CEP192: variants seen among roughly 807,000 people sequenced by gnomAD.
CEP192 encodes the protein centrosomal protein of 192 kDa.
A neutral mutation model predicts 271.8 loss-of-function variants in CEP192; 151 were observed. That is an observed-to-expected ratio of 0.56 (90% CI 0.49 to 0.64). CEP192 has a LOEUF of 0.64. Ranked by LOEUF, CEP192 falls within the 30% of genes least tolerant of loss-of-function variation. The probability of loss-of-function intolerance (pLI) is 0.00; values close to 1 mark genes in which losing one functional copy is unlikely to be tolerated. For synonymous variants in CEP192, 995 were observed against 1,076.5 expected (o/e 0.92, Z 1.48); for missense variants, 2,910 against 3,020.5 (o/e 0.96, Z 0.86).
At chr18:13,060,058 T>A (rs1323722785) in intron 21 of CEP192, among the ~76,000 whole-genome samples, 2 of 152,226 alleles carry the variant, frequency 1.3e-5, no homozygotes, top group Non-Finnish European at 2.9e-5. Context: ...CAGGTCTTGA[T>A]ACAGTCCTGA....
intron 15 of CEP192, among the ~76,000 whole-genome samples, chr18:13,045,979 A>G (rs1421314273): frequency 6.6e-6 from 1 of 152,096 alleles, no homozygotes; most frequent in Non-Finnish European, 1.5e-5. Flanking sequence ...TTGCTTTTCA[A>G]CCAGTCTGAC....
intron 3 of CEP192, among the ~76,000 whole-genome samples, chr18:13,005,656 A>T (rs906480877): frequency 1.3e-5 from 2 of 152,080 alleles, no homozygotes; most frequent in African/African-American, 4.8e-5. Context: ...TTGACTCTTG[A>T]ATAGTCTGAA....
intron 1 of CEP192, among the ~76,000 whole-genome samples, chr18:12,996,535 C>T (rs540163846): frequency 6.6e-6 from 1 of 152,188 alleles, no homozygotes; most frequent in South Asian, 2.1e-4. Context: ...GTACATTTTA[C>T]GTGATATTTT....
At chr18:13,030,059 T>C (rs756284733) in intron 10 of CEP192, 57 bp downstream of exon 10, 2 of 1,265,112 alleles carry the variant, frequency 1.6e-6, no homozygotes, top group East Asian at 2.5e-5. Context: ...ACATTTTGAA[T>C]AGGACATATT....
chr18:13,088,287 A>T (rs763946790), intron 32 of CEP192, among the ~76,000 whole-genome samples: 94 of 152,208 alleles, frequency 6.2e-4, no homozygotes, highest in Middle Eastern at 3.4e-3. Flanking sequence ...GTCTCTAGAA[A>T]AGAAATAGAA....
chr18:13,004,536 G>A (rs921041384), intron 3 of CEP192, among the ~76,000 whole-genome samples: 21 of 152,146 alleles, frequency 1.4e-4, no homozygotes, highest in African/African-American at 5.1e-4. Context: ...GGTGCATGTA[G>A]TGGTAAGAAT....
At chr18:13,042,899 A>G (rs2036283322) in intron 15 of CEP192, among the ~76,000 whole-genome samples, 1 of 152,234 alleles carries the variant, frequency 6.6e-6, no homozygotes, top group Admixed American at 6.5e-5. Flanking sequence ...ACAATGCTCC[A>G]TGAACAGCCT....
Position 13,059,120 on chromosome 18 carries a change from T to A in CEP192, c.4296T>A (p.Asn1432Lys), listed in dbSNP as rs753434881. 3.1e-6 allele frequency: 5 copies of A among 1,614,068 alleles called. No individual in the cohort carries two copies. The South Asian group carries it at 5.5e-5, about 18-fold the overall frequency. Residue 1432 changes from asparagine to lysine, a missense_variant, in exon 21 of 45, where the codon AAT becomes AAA. Transcript: ENST00000506447. ...LSTYRCLVFK[N>K]KAIIRPHATE... ...CATATCGTTGTTTAGTTTTCAAGAATAAAGCCATCATAAGACCTCATGCCA... is the reference window on the plus strand; with the variant it reads ...CATATCGTTGTTTAGTTTTCAAGAAAAAAGCCATCATAAGACCTCATGCCA...
rs954076913 is a variant in CEP192 at position 12,999,692 on chromosome 18, A to G, written c.164+104A>G. ...CAAGCTTGAGCTTTTTGTTTTATCTATGAGGGGGATGGCCAAATATGTGAA... is the reference window on the plus strand; with the variant it reads ...CAAGCTTGAGCTTTTTGTTTTATCTGTGAGGGGGATGGCCAAATATGTGAA... On this transcript the variant is annotated intron_variant, in intron 2 of 44. Coordinates refer to ENST00000506447, the MANE Select transcript of CEP192 (RefSeq NM_032142.4). 5.1e-5 allele frequency: 38 copies of G among 741,054 alleles called. No homozygotes were observed. In the Admixed American group the frequency reaches 1.1e-3, roughly 22 times the overall value. The allele number at this position is 741,054 out of a possible 1,614,324, so 45.9% of individuals were successfully genotyped here. A position where few individuals can be genotyped will look rare whatever the true frequency, so the allele number is the denominator to read the frequency against.
Position 13,087,440 on chromosome 18 carries a change from C to T in CEP192, c.5878-91C>T, listed in dbSNP as rs949176472. 19 of 914,168 alleles carry T rather than the reference C, an allele frequency of 2.1e-5. 1 individual carries two copies. The highest frequency in any genetic ancestry group is 1.2e-4 in the South Asian group (6 of 51,330). 56.6% of individuals were successfully genotyped at this position (914,168 alleles called of 1,614,324 possible). ...CATGCGTATGCACTTGTGTCTGTGT[C>T]GAATTTTTAGGCTCGTAAGATTGTT... On this transcript the variant is annotated intron_variant, in intron 31 of 44. Coordinates refer to ENST00000506447, the MANE Select transcript of CEP192 (RefSeq NM_032142.4).
At chr18:13,037,711 A>G (rs1305834353) in intron 12 of CEP192, among the ~76,000 whole-genome samples, 9 of 152,088 alleles carry the variant, frequency 5.9e-5, no homozygotes, top group Admixed American at 5.9e-4. Flanking sequence ...ATGTGCTACC[A>G]TGCCTAGCTA....
intron 1 of CEP192, among the ~76,000 whole-genome samples, chr18:12,998,943 G>T (rs1321127784): frequency 1.3e-5 from 2 of 151,972 alleles, no homozygotes; most frequent in African/African-American, 4.8e-5. Context: ...CTTTGAATGG[G>T]TTCACTTTTT....
intron 4 of CEP192, among the ~76,000 whole-genome samples, chr18:13,010,281 C>T (rs1434270351): frequency 1.2e-4 from 19 of 152,176 alleles, no homozygotes; most frequent in Admixed American, 1.2e-3. Flanking sequence ...AAAGTACATT[C>T]TATGCACTTA....
Position 13,068,837 on chromosome 18 carries a change from T to G in CEP192, c.4823-15T>G, listed in dbSNP as rs776045333. ...CTCTCTGGTCTCCAAGCTAAAAGAATGAACTTTTTTTTAGATATTCTGGAC... is the reference window on the plus strand; with the variant it reads ...CTCTCTGGTCTCCAAGCTAAAAGAAGGAACTTTTTTTTAGATATTCTGGAC... On this transcript the variant is annotated splice_polypyrimidine_tract_variant and intron_variant, in intron 24 of 44. Transcript: ENST00000506447. 2.5e-6 allele frequency: 4 copies of G among 1,614,108 alleles called. No homozygotes were observed. The East Asian group carries it at 8.9e-5, about 36-fold the overall frequency.
chr18:13,018,734 T>G, intron 8 of CEP192, 119 bp downstream of exon 8: 1 of 698,266 alleles, frequency 1.4e-6, no homozygotes, highest in Non-Finnish European at 2.2e-6. Context: ...GTCCCTCAGG[T>G]CTTTAGACAG....
In CEP192 at chr18:13,068,158, C is replaced by T; in HGVS notation, c.4679C>T (p.Ala1560Val). 1 of 1,614,250 alleles carries T rather than the reference C, an allele frequency of 6.2e-7. No individual in the cohort carries two copies. The highest frequency in any genetic ancestry group is 8.5e-7 in the Non-Finnish European group (1 of 1,180,032). Residue 1560 changes from alanine (A) to valine (V), a missense_variant, in exon 23 of 45, where the codon GCT (alanine) becomes GTT (valine). By Grantham distance (64) the Ala-to-Val change is moderately conservative. Transcript: ENST00000506447. ...KESVRAPVEV[A>V]PCADVVTRLA... Reference sequence around the variant, plus strand: ...TCCGTCCGAGCTCCTGTGGAAGTTGCTCCTTGCGCTGATGTGGTCACTCGG... The same window carrying T: ...TCCGTCCGAGCTCCTGTGGAAGTTGTTCCTTGCGCTGATGTGGTCACTCGG...
At chr18:13,065,934 G>A (rs181790563) in intron 21 of CEP192, among the ~76,000 whole-genome samples, 70 of 152,210 alleles carry the variant, frequency 4.6e-4, no homozygotes, top group Admixed American at 4.4e-3. Context: ...ATGTTAACTC[G>A]ACGTCCTTGA....
intron 40 of CEP192, 48 bp from the exon 41 acceptor site, chr18:13,113,536 CTG>C (rs1198834525): frequency 6.3e-7 from 1 of 1,580,870 alleles, no homozygotes; most frequent in Non-Finnish European, 8.7e-7. Flanking sequence ...CTAGCTAACA[CTG>C]TGTTTAATGA....
intron 2 of CEP192, 69 bp downstream of exon 2, chr18:12,999,657 G>C (rs775972533): frequency 2.9e-5 from 34 of 1,159,444 alleles, no homozygotes; most frequent in Non-Finnish European, 3.9e-5. Flanking sequence ...TTTATGTTCT[G>C]TTTCTCAGTC....
Sources: gnomAD v4.1 joint callset for allele counts (sites outside exome capture counted in the v4.1 genomes callset) on GRCh38, gnomAD v4.1.1 for gene constraint, MANE v1.5 for transcripts, NCBI Gene and HGNC (gene_info 2026-07-23, HGNC 2026-07-21) for gene names.